The following TENM2 variants were observed in gnomAD, a reference collection of about 807,000 sequenced individuals.
The protein encoded by TENM2 is teneurin-2.
TENM2 carries 52 observed loss-of-function variants against 245.2 expected under a neutral mutation model. The observed-to-expected ratio is 0.21, with a 90% CI of 0.17 to 0.27. TENM2 has a LOEUF of 0.27. Ranked by LOEUF, TENM2 falls within the 10% of genes least tolerant of loss-of-function variation. TENM2 has a pLI of 1.00. For synonymous variants in TENM2, 1,363 were observed against 1,438.9 expected, an observed-to-expected ratio of 0.95 and a Z score of 1.19; for missense variants, 3,046 against 3,666.8, an observed-to-expected ratio of 0.83 and a Z score of 4.37.
intron 2 of TENM2, among the ~76,000 whole-genome samples, chr5:167,588,740 G>T (rs1350991069): frequency 1.3e-5 from 2 of 152,186 alleles, no homozygotes; most frequent in African/African-American, 4.8e-5. Flanking sequence ...ATGACATGTA[G>T]ATAGAACCTA....
At chr5:167,896,440 T>C (rs771782669) in intron 3 of TENM2, among the ~76,000 whole-genome samples, 50 of 152,188 alleles carry the variant, frequency 3.3e-4, no homozygotes, top group Admixed American at 6.5e-4. Context: ...GTCAGAGCAA[T>C]GTTTAAGAGA....
At chr5:167,251,272 G>T in the TENM2 span, among the ~76,000 whole-genome samples, 1 of 151,986 alleles carries the variant, frequency 6.6e-6, no homozygotes, top group African/African-American at 2.4e-5. Context: ...GGCCTCTTTG[G>T]TTACAAACAA....
At chr5:167,853,467 G>C (rs1365244002) in intron 2 of TENM2, among the ~76,000 whole-genome samples, 1 of 151,928 alleles carries the variant, frequency 6.6e-6, no homozygotes, top group Non-Finnish European at 1.5e-5. Context: ...GCTTACAGGG[G>C]TGAGACATCC....
At chr5:167,827,918 A>G (rs6555771) in intron 2 of TENM2, among the ~76,000 whole-genome samples, 144,938 of 152,148 alleles carry the variant, frequency 0.95, 69,450 homozygotes, top group East Asian at 1. Flanking sequence ...CTGCCACTTT[A>G]CCAACTTCAG....
chr5:167,653,558 G>A (rs1754624671), intron 2 of TENM2: 1 of 151,794 alleles, frequency 6.6e-6, no homozygotes, highest in Non-Finnish European at 1.5e-5. Context: ...GAATGTGCTG[G>A]TTTTTAATAT....
At chr5:167,244,760 G>A in the TENM2 span, among the ~76,000 whole-genome samples, 1 of 152,284 alleles carries the variant, frequency 6.6e-6, no homozygotes, top group African/African-American at 2.4e-5. Context: ...GTCTCCCAAG[G>A]GGTAGAGAGC....
At chr5:167,522,336 C>T (rs1403780097) in intron 2 of TENM2, among the ~76,000 whole-genome samples, 1 of 152,064 alleles carries the variant, frequency 6.6e-6, no homozygotes, top group South Asian at 2.1e-4. Context: ...CACAGTCAGC[C>T]TTATTTCAAT....
chr5:167,157,601 A>G, the TENM2 span, among the ~76,000 whole-genome samples: 2 of 152,190 alleles, frequency 1.3e-5, no homozygotes, highest in Admixed American at 1.3e-4. Context: ...TTAGGGAGGA[A>G]GATATTTTTA....
chr5:167,924,292 A>G (rs1288892899), intron 3 of TENM2, among the ~76,000 whole-genome samples: 1 of 152,174 alleles, frequency 6.6e-6, no homozygotes, highest in Non-Finnish European at 1.5e-5. Context: ...CTCCTCTGTC[A>G]GTGTCGTGGG....
the TENM2 span, among the ~76,000 whole-genome samples, chr5:167,219,379 T>C: frequency 6.6e-6 from 1 of 152,140 alleles, no homozygotes; most frequent in African/African-American, 2.4e-5. Flanking sequence ...GATACCCCTA[T>C]GTTAACAGAT....
chr5:167,277,273 C>T, the TENM2 span, among the ~76,000 whole-genome samples: 3 of 151,988 alleles, frequency 2.0e-5, no homozygotes, highest in Non-Finnish European at 2.9e-5. Context: ...CTTTCATCAC[C>T]GCTTTAACTG....
chr5:167,131,720 G>A, the TENM2 span, among the ~76,000 whole-genome samples: 6 of 152,092 alleles, frequency 3.9e-5, no homozygotes, highest in East Asian at 1.9e-4. Flanking sequence ...ATGGAAAAAT[G>A]TACTCTCCTA....
intron 2 of TENM2, among the ~76,000 whole-genome samples, chr5:167,440,616 C>G (rs1203342809): frequency 1.3e-5 from 2 of 152,088 alleles, no homozygotes; most frequent in Non-Finnish European, 2.9e-5. Flanking sequence ...TATTGGACAT[C>G]CTGAAAATAA....
At chr5:167,785,632 A>G (rs1179140264) in intron 2 of TENM2, among the ~76,000 whole-genome samples, 1 of 152,220 alleles carries the variant, frequency 6.6e-6, no homozygotes, top group South Asian at 2.1e-4. Context: ...TCCAGATGGT[A>G]GTTCAAGTAG....
the TENM2 span, among the ~76,000 whole-genome samples, chr5:167,183,085 G>A: frequency 2.0e-5 from 3 of 152,090 alleles, no homozygotes; most frequent in Admixed American, 6.5e-5. Flanking sequence ...AGGCAAGGTT[G>A]CATTTAAAGG....
chr5:168,079,980 A>T (rs1052795038), intron 7 of TENM2, among the ~76,000 whole-genome samples: 1 of 151,996 alleles, frequency 6.6e-6, no homozygotes, highest in Non-Finnish European at 1.5e-5. Flanking sequence ...TTTTTCTATT[A>T]ATTGGAATAG....
intron 1 of TENM2, among the ~76,000 whole-genome samples, chr5:167,341,739 A>G (rs962025742): frequency 3.3e-5 from 5 of 151,998 alleles, no homozygotes; most frequent in African/African-American, 1.2e-4. Flanking sequence ...TCGTAATCAT[A>G]CATAATTATG....
At chr5:167,750,450 G>A (rs138754994) in intron 2 of TENM2, among the ~76,000 whole-genome samples, 13 of 152,134 alleles carry the variant, frequency 8.5e-5, no homozygotes, top group East Asian at 3.9e-4. Flanking sequence ...TTTGACCTGC[G>A]CATTTTCTGG....
chr5:167,414,254 ATCTC>A (rs759182225), intron 2 of TENM2, among the ~76,000 whole-genome samples: 13 of 152,144 alleles, frequency 8.5e-5, no homozygotes, highest in Admixed American at 6.6e-5. Flanking sequence ...TTTAAGGTTG[ATCTC>A]TCTAAGTGCA....
Sources: gnomAD v4.1 joint callset for allele counts (sites outside exome capture counted in the v4.1 genomes callset) on GRCh38, gnomAD v4.1.1 for gene constraint, MANE v1.5 for transcripts, NCBI Gene and HGNC (gene_info 2026-07-23, HGNC 2026-07-21) for gene names.